Variants in CCSER1 observed in about 807,000 individuals in gnomAD.
The protein encoded by CCSER1 is coiled-coil serine rich protein 1, also known as serine-rich coiled-coil domain-containing protein 1.
In CCSER1, 41 loss-of-function variants were observed where a neutral mutation model predicts 82.0. The observed-to-expected ratio is 0.50, with a 90% confidence interval of 0.39 to 0.65. The LOEUF is 0.65. Among genes scored for constraint, CCSER1 ranks in the 30% least tolerant of loss-of-function variants. The pLI is 0.00. For missense variants in CCSER1, 1,119 were observed against 1,064.2 expected (o/e 1.05, Z -0.72); for synonymous variants, 414 against 383.9 (o/e 1.08, Z -0.92).
chr4:91,482,986 C>G (rs572371593), intron 10 of CCSER1, among the ~76,000 whole-genome samples: 2 of 151,914 alleles, frequency 1.3e-5, no homozygotes, highest in South Asian at 2.1e-4. Context: ...GGAGATATAC[C>G]TAATGTAAAT....
At chr4:90,580,896 T>A (rs762480900) in intron 5 of CCSER1, among the ~76,000 whole-genome samples, 193 of 152,356 alleles carry the variant, frequency 1.3e-3, no homozygotes, top group Admixed American at 2.4e-3. Context: ...CAGGATACTT[T>A]GCTTAACAGA....
At chr4:90,362,045 G>C (rs1402924959) in intron 3 of CCSER1, among the ~76,000 whole-genome samples, 1 of 152,150 alleles carries the variant, frequency 6.6e-6, no homozygotes, top group Non-Finnish European at 1.5e-5. Flanking sequence ...TGAGTCTCAA[G>C]CTCAGGATTC....
intron 5 of CCSER1, among the ~76,000 whole-genome samples, chr4:90,526,187 T>G (rs774537275): frequency 3.9e-5 from 6 of 152,184 alleles, no homozygotes; most frequent in Admixed American, 1.3e-4. Flanking sequence ...CTTCTCAGAT[T>G]CTCTCTACTT....
At chr4:90,208,633 G>A (rs944063586) in intron 1 of CCSER1, among the ~76,000 whole-genome samples, 1 of 152,168 alleles carries the variant, frequency 6.6e-6, no homozygotes, top group African/African-American at 2.4e-5. Flanking sequence ...CCCTGGTGAT[G>A]TAGGCACCTG....
intron 10 of CCSER1, among the ~76,000 whole-genome samples, chr4:91,359,158 G>A (rs977692865): frequency 1.3e-5 from 2 of 151,884 alleles, no homozygotes; most frequent in African/African-American, 2.4e-5. Context: ...GGTGGTATGT[G>A]ACAGGGGCTG....
intron 10 of CCSER1, among the ~76,000 whole-genome samples, chr4:91,217,078 C>A (rs1318127380): frequency 6.6e-6 from 1 of 152,132 alleles, no homozygotes; most frequent in Non-Finnish European, 1.5e-5. Flanking sequence ...TTCGTAGTTT[C>A]TTCCTTCTGG....
chr4:90,432,633 T>C (rs987744464), intron 4 of CCSER1, among the ~76,000 whole-genome samples: 18 of 151,922 alleles, frequency 1.2e-4, no homozygotes, highest in Non-Finnish European at 5.9e-5. Flanking sequence ...TCTTTTCTTC[T>C]GTTTGGAGAC....
intron 10 of CCSER1, among the ~76,000 whole-genome samples, chr4:91,180,782 G>C (rs999730397): frequency 6.6e-6 from 1 of 152,120 alleles, no homozygotes; most frequent in Non-Finnish European, 1.5e-5. Context: ...GGAAATCAGG[G>C]GTCTCACAAC....
At chr4:90,535,376 G>A (rs1477012463) in intron 5 of CCSER1, among the ~76,000 whole-genome samples, 1 of 151,606 alleles carries the variant, frequency 6.6e-6, no homozygotes, top group African/African-American at 2.4e-5. Context: ...TTTGAGCCCA[G>A]GAATTTAAGA....
intron 1 of CCSER1, among the ~76,000 whole-genome samples, chr4:90,195,555 C>A (rs1424420389): frequency 6.6e-6 from 1 of 151,944 alleles, no homozygotes; most frequent in African/African-American, 2.4e-5. Flanking sequence ...TTTGTCCAAA[C>A]CCATAGGATA....
At chr4:91,450,191 T>C (rs907778665) in intron 10 of CCSER1, among the ~76,000 whole-genome samples, 10 of 152,004 alleles carry the variant, frequency 6.6e-5, no homozygotes, top group South Asian at 2.1e-4. Flanking sequence ...AGGGAGAGAC[T>C]CTTCTACTCA....
At chr4:91,481,955 G>C (rs1359490760) in intron 10 of CCSER1, among the ~76,000 whole-genome samples, 1 of 152,156 alleles carries the variant, frequency 6.6e-6, no homozygotes, top group Non-Finnish European at 1.5e-5. Flanking sequence ...CAAAAAGTGG[G>C]TGAAGGATAT....
At chr4:91,010,300 T>C (rs1349413188) in intron 9 of CCSER1, among the ~76,000 whole-genome samples, 1 of 152,240 alleles carries the variant, frequency 6.6e-6, no homozygotes, top group Non-Finnish European at 1.5e-5. Flanking sequence ...GATTACCTTA[T>C]GCATCCGACT....
intron 10 of CCSER1, among the ~76,000 whole-genome samples, chr4:91,396,581 A>G (rs533693528): frequency 6.6e-6 from 1 of 152,220 alleles, no homozygotes; most frequent in East Asian, 1.9e-4. Flanking sequence ...CTAAACAATA[A>G]TGATGCGGGC....
chr4:91,429,709 C>G (rs1754183588), intron 10 of CCSER1, among the ~76,000 whole-genome samples: 1 of 151,806 alleles, frequency 6.6e-6, no homozygotes, highest in Non-Finnish European at 1.5e-5. Context: ...ATTAACCTGT[C>G]TTACACTCAT....
At chr4:91,371,211 A>T (rs897974685) in intron 10 of CCSER1, among the ~76,000 whole-genome samples, 1 of 152,044 alleles carries the variant, frequency 6.6e-6, no homozygotes, top group Non-Finnish European at 1.5e-5. Context: ...GACTGTAATC[A>T]CTCTGTTGTG....
intron 10 of CCSER1, among the ~76,000 whole-genome samples, chr4:91,539,647 A>G (rs1400342144): frequency 2.0e-5 from 3 of 152,136 alleles, no homozygotes; most frequent in African/African-American, 7.2e-5. Context: ...ATTATGACAG[A>G]ATTAAATAAT....
At chr4:90,136,647 A>G (rs544400428) in intron 1 of CCSER1, among the ~76,000 whole-genome samples, 1 of 152,316 alleles carries the variant, frequency 6.6e-6, no homozygotes, top group South Asian at 2.1e-4. Context: ...GCAAAAATAA[A>G]TGGCTAAATT....
At chr4:90,769,868 A>G (rs111249531) in intron 7 of CCSER1, among the ~76,000 whole-genome samples, 45 of 152,204 alleles carry the variant, frequency 3.0e-4, no homozygotes, top group Non-Finnish European at 1.6e-4. Flanking sequence ...TTAGAGGCCA[A>G]TACGCAGAGT....
Sources: allele counts gnomAD v4.1 joint callset (sites outside exome capture counted in the v4.1 genomes callset), GRCh38; gene constraint gnomAD v4.1.1; transcripts MANE v1.5; gene names NCBI Gene and HGNC (gene_info 2026-07-23, HGNC 2026-07-21).